KIAA0825: variants seen among roughly 807,000 people sequenced by gnomAD.
KIAA0825 encodes KIAA0825.
KIAA0825 carries 119 observed loss-of-function variants against 147.6 expected under a neutral mutation model. The observed-to-expected ratio is 0.81, with a 90% CI of 0.69 to 0.94. The LOEUF is 0.94. Among genes scored for constraint, KIAA0825 ranks in the 40% least tolerant of loss-of-function variants. The pLI is 0.00. For synonymous variants in KIAA0825, 470 were observed against 518.1 expected, an observed-to-expected ratio of 0.91 and a Z score of 1.26; for missense variants, 1,381 against 1,472.7, an observed-to-expected ratio of 0.94 and a Z score of 1.02.
chr5:94,324,540 T>A (rs751833617), intron 20 of KIAA0825, among the ~76,000 whole-genome samples: 1 of 152,050 alleles, frequency 6.6e-6, no homozygotes, highest in Non-Finnish European at 1.5e-5. Flanking sequence ...TTTAAAGATA[T>A]GATCAAGCTG....
At chr5:94,369,661 C>A (rs929570830) in intron 20 of KIAA0825, among the ~76,000 whole-genome samples, 6 of 151,930 alleles carry the variant, frequency 3.9e-5, no homozygotes, top group African/African-American at 1.5e-4. Flanking sequence ...GGAAAATAAT[C>A]AAAAATAGGA....
chr5:94,377,796 T>A (rs944878600), intron 20 of KIAA0825, among the ~76,000 whole-genome samples: 3 of 152,210 alleles, frequency 2.0e-5, no homozygotes, highest in African/African-American at 7.2e-5. Context: ...AGGTCTTGGC[T>A]GCTATATACT....
At chr5:94,464,080 A>G (rs965380227) in intron 11 of KIAA0825, among the ~76,000 whole-genome samples, 1 of 151,566 alleles carries the variant, frequency 6.6e-6, no homozygotes, top group Non-Finnish European at 1.5e-5. Flanking sequence ...AAAAAAAAAA[A>G]AAAAAGAAAG....
chr5:94,341,520 G>A (rs530571339), intron 20 of KIAA0825, among the ~76,000 whole-genome samples: 8 of 152,170 alleles, frequency 5.3e-5, no homozygotes, highest in Non-Finnish European at 7.4e-5. Flanking sequence ...ATGAGGGTTC[G>A]AGGTAGGATG....
chr5:94,174,801 T>G (rs1177713117), intron 20 of KIAA0825, among the ~76,000 whole-genome samples: 2 of 152,140 alleles, frequency 1.3e-5, no homozygotes, highest in Non-Finnish European at 2.9e-5. Context: ...GTCAGATGAG[T>G]GTCACAATAG....
In KIAA0825 at chr5:94,519,913, G is replaced by A. The variant is rs753849313; in HGVS notation, c.970+335C>T. ...TAAACAGATAAAGGAGCTTATATGT[G>A]TATAAGCATATATACTCATTTATAT... is the stretch of plus-strand genomic sequence containing the variant. On this transcript the variant is annotated intron_variant, in intron 5 of 20. Coordinates refer to ENST00000682413, the MANE Select transcript of KIAA0825 (RefSeq NM_001145678.3). 1.2e-5 allele frequency: 8 copies of A among 672,710 alleles called. No individual in the cohort carries two copies. In the African/African-American group the frequency reaches 1.4e-4, roughly 11 times the overall value. The allele number at this position is 672,710 out of a possible 1,614,324, so 41.7% of individuals were successfully genotyped here.
At chr5:94,479,194 T>A (rs1183259155) in intron 6 of KIAA0825, among the ~76,000 whole-genome samples, 1 of 152,158 alleles carries the variant, frequency 6.6e-6, no homozygotes, top group Non-Finnish European at 1.5e-5. Flanking sequence ...CCCCCATTAC[T>A]CTGTCACACA....
intron 20 of KIAA0825, among the ~76,000 whole-genome samples, chr5:94,169,837 T>C (rs943797356): frequency 3.9e-5 from 6 of 152,176 alleles, no homozygotes; most frequent in Admixed American, 3.9e-4. Flanking sequence ...TTCTGAGTAC[T>C]TTGCATATAT....
At chr5:94,489,732 A>G (rs1449042904) in intron 5 of KIAA0825, among the ~76,000 whole-genome samples, 1 of 151,822 alleles carries the variant, frequency 6.6e-6, no homozygotes. Flanking sequence ...CTAATAATAC[A>G]AAAATTAGCC....
chr5:94,484,714 A>G, intron 6 of KIAA0825, 55 bp downstream of exon 6: 3 of 1,224,762 alleles, frequency 2.4e-6, no homozygotes, highest in East Asian at 5.3e-5. Context: ...AGCAGCAGGA[A>G]GCAAAAACAC....
chr5:94,288,010 AG>A (rs1777729562), intron 20 of KIAA0825, among the ~76,000 whole-genome samples: 1 of 152,114 alleles, frequency 6.6e-6, no homozygotes, highest in African/African-American at 2.4e-5. Flanking sequence ...AATTCCAAGG[AG>A]GAAAGTTTAA....
chr5:94,563,201 A>AC (rs1561319046), intron 2 of KIAA0825, among the ~76,000 whole-genome samples: 14 of 150,912 alleles, frequency 9.3e-5, no homozygotes, highest in African/African-American at 2.0e-4. Context: ...AAAACAAAAA[A>AC]AAAAAAATCA....
chr5:94,362,782 C>T (rs1745257829), intron 20 of KIAA0825, among the ~76,000 whole-genome samples: 1 of 152,212 alleles, frequency 6.6e-6, no homozygotes, highest in South Asian at 2.1e-4. Context: ...AATGAACAAA[C>T]AGTCACAGAT....
chr5:94,178,408 A>G lies in KIAA0825; in HGVS notation c.3711-24284T>C, dbSNP rs562561862. Among the ~76,000 whole-genome samples the G allele has an allele frequency of 4.6e-5, 7 of 151,986 alleles. No homozygotes were observed. The East Asian group carries it at 1.4e-3, about 29-fold the overall frequency. Reference sequence around the variant, plus strand: ...AATGAGAGTTCTGGCTTTACTATTAATATTATATGATGTGATCTGTCTTCT... The same window carrying G: ...AATGAGAGTTCTGGCTTTACTATTAGTATTATATGATGTGATCTGTCTTCT... On this transcript the variant is annotated intron_variant, in intron 20 of 20. Coordinates refer to ENST00000682413, the MANE Select transcript of KIAA0825 (RefSeq NM_001145678.3).
At chr5:94,543,126 A>G (rs575124899) in intron 2 of KIAA0825, among the ~76,000 whole-genome samples, 11 of 152,326 alleles carry the variant, frequency 7.2e-5, no homozygotes, top group Admixed American at 1.3e-4. Flanking sequence ...TGAGGGTACA[A>G]GCCCATGACT....
intron 11 of KIAA0825, among the ~76,000 whole-genome samples, chr5:94,464,061 T>C (rs1215164794): frequency 1.7e-5 from 1 of 58,340 alleles, no homozygotes; most frequent in Non-Finnish European, 3.0e-5. Context: ...TGATTCCTCC[T>C]GCCAAAAAAA....
Position 94,396,383 on chromosome 5 carries a change from A to C in KIAA0825, c.3014T>G (p.Phe1005Cys), listed in dbSNP as rs533490768. 6.4e-7 allele frequency: 1 copy of C among 1,550,412 alleles called. No homozygotes were observed. Among genetic ancestry groups the C allele is most frequent in the African/African-American group, 1.4e-5 (1 of 73,074 alleles). ...FLSERKMSKK[F>C]VELKKAGLLV... ...CAGGCCAGCTTTCTTCAATTCAACA[A>C]ATTTTTTTGACATTTTTCTCTCAGA... Residue 1005 changes from phenylalanine (F) to cysteine (C), a missense_variant, in exon 17 of 21, where the codon TTT becomes TGT. Transcript: ENST00000682413.
intron 20 of KIAA0825, among the ~76,000 whole-genome samples, chr5:94,194,600 A>G (rs1028834254): frequency 6.6e-6 from 1 of 152,226 alleles, no homozygotes; most frequent in Non-Finnish European, 1.5e-5. Flanking sequence ...CAGGGCCACC[A>G]CCAGGCCGCA....
intron 5 of KIAA0825, among the ~76,000 whole-genome samples, chr5:94,495,915 CTTAT>C (rs1238367460): frequency 6.6e-6 from 1 of 152,094 alleles, no homozygotes; most frequent in Non-Finnish European, 1.5e-5. Context: ...AAATCTTAGA[CTTAT>C]TTGATTTTTA....
Sources: gnomAD v4.1 joint callset for allele counts (sites outside exome capture counted in the v4.1 genomes callset) on GRCh38, gnomAD v4.1.1 for gene constraint, MANE v1.5 for transcripts, NCBI Gene and HGNC (gene_info 2026-07-23, HGNC 2026-07-21) for gene names.